The following SASH1 variants were observed in gnomAD, a reference collection of about 807,000 sequenced individuals.
SASH1 encodes SAM and SH3 domain-containing protein 1.
A neutral mutation model predicts 125.2 loss-of-function variants in SASH1; 44 were observed. The observed-to-expected ratio is 0.35, with a 90% CI of 0.28 to 0.45. SASH1 has a LOEUF of 0.45. SASH1 is among the 20% of genes least tolerant of loss of function. The pLI, the probability that SASH1 is intolerant of heterozygous loss-of-function variation, is 1.00. For synonymous variants in SASH1, 639 were observed against 649.1 expected (o/e 0.98, Z 0.24); for missense variants, 1,426 against 1,614.5 (o/e 0.88, Z 2.00).
At chr6:148,374,217 G>A (rs1782805235) in intron 1 of SASH1, among the ~76,000 whole-genome samples, 1 of 152,188 alleles carries the variant, frequency 6.6e-6, no homozygotes, top group African/African-American at 2.4e-5. Flanking sequence ...AAACAAGTTT[G>A]GGTAGGTGAT....
At chr6:148,382,321 G>T (rs1783172262) in intron 1 of SASH1, among the ~76,000 whole-genome samples, 1 of 152,084 alleles carries the variant, frequency 6.6e-6, no homozygotes, top group Non-Finnish European at 1.5e-5. Flanking sequence ...TGACGGTCTC[G>T]CTCTGTCACC....
chr6:148,487,718 G>A lies in SASH1; in HGVS notation c.729+3G>A, dbSNP rs1365197367. Reference sequence around the variant, plus strand: ...TTGATGGCTCATCAAACTGCAATGTGAGTTTATCATGTCTTTGACATCTTG... The same window carrying A: ...TTGATGGCTCATCAAACTGCAATGTAAGTTTATCATGTCTTTGACATCTTG... On this transcript the variant is annotated splice_donor_region_variant and intron_variant, in intron 8 of 19. Transcript: ENST00000367467. 6.3e-6 allele frequency: 10 copies of A among 1,595,088 alleles called. No individual in the cohort carries two copies. The highest frequency in any genetic ancestry group is 8.6e-6 in the Non-Finnish European group (10 of 1,163,392).
At chr6:148,307,824 G>A (rs1230733023) in intron 1 of SASH1, among the ~76,000 whole-genome samples, 3 of 152,076 alleles carry the variant, frequency 2.0e-5, no homozygotes, top group Admixed American at 2.0e-4. Context: ...ACTTGGCTCA[G>A]GGTTTGATGA....
chr6:148,437,579 G>A (rs564798105), intron 2 of SASH1, among the ~76,000 whole-genome samples: 8 of 152,296 alleles, frequency 5.3e-5, no homozygotes, highest in South Asian at 4.1e-4. Flanking sequence ...CAAGCTGGGC[G>A]TGGTCATGAA....
chr6:148,249,256 C>T, the SASH1 span, among the ~76,000 whole-genome samples: 1 of 152,212 alleles, frequency 6.6e-6, no homozygotes, highest in Non-Finnish European at 1.5e-5. Context: ...AGCATAATTT[C>T]CCTGAGGGGA....
chr6:148,372,257 T>C (rs1782730719), intron 1 of SASH1, among the ~76,000 whole-genome samples: 1 of 152,230 alleles, frequency 6.6e-6, no homozygotes, highest in African/African-American at 2.4e-5. Context: ...CCTTTGGTAG[T>C]GGCTGTTTTG....
chr6:148,544,529 CA>C lies in SASH1; in HGVS notation c.3060del (p.Val1021Ter). 1.2e-6 allele frequency: 2 copies of C among 1,613,326 alleles called. No homozygotes were observed. Among genetic ancestry groups the C allele is most frequent in the Non-Finnish European group, 1.7e-6 (2 of 1,179,978 alleles). On this transcript the variant is annotated frameshift_variant, in exon 18 of 20. Transcript: ENST00000367467. LOFTEE classifies it high-confidence loss of function. The surrounding 1 kb of genome is among the most constrained non-coding windows in gnomAD (Gnocchi z 6.4). ...CCCAGTCCCGATGCGCCATGCCTGCCAGTGAAAAGGGGCAGCCCCGCCAGCC... is the reference window on the plus strand; with the variant it reads ...CCCAGTCCCGATGCGCCATGCCTGCCGTGAAAAGGGGCAGCCCCGCCAGCC... ...ALPSPDAPCL[P>X]VKRGSPASPT...
chr6:148,368,459 C>T (rs1344875811), intron 1 of SASH1, among the ~76,000 whole-genome samples: 4 of 152,002 alleles, frequency 2.6e-5, no homozygotes, highest in African/African-American at 2.4e-5. Flanking sequence ...TTAGTAGAGA[C>T]GGGTTTTCAC....
At position 148,350,648 on chromosome 6, in the gene SASH1, T is replaced by A. The variant is rs1781695981; in HGVS notation, c.156+7425T>A. ...AGACTTGACTGTCATAATCCCACTGTAATAGACGATGTGCCTACCTGTGGT... is the reference window on the plus strand; with the variant it reads ...AGACTTGACTGTCATAATCCCACTGAAATAGACGATGTGCCTACCTGTGGT... On this transcript the variant is annotated intron_variant, in intron 1 of 19. Transcript: ENST00000367467. Among the ~76,000 whole-genome samples the A allele has an allele frequency of 2.0e-5, 3 of 152,214 alleles. No homozygotes were observed. The South Asian group carries it at 6.2e-4, about 32-fold the overall frequency.
chr6:148,219,197 A>G, the SASH1 span, among the ~76,000 whole-genome samples: 1 of 152,122 alleles, frequency 6.6e-6, no homozygotes, highest in Non-Finnish European at 1.5e-5. Flanking sequence ...TAGGTTCTCC[A>G]TCTCCCTCAC....
chr6:148,400,908 A>G lies in SASH1; in HGVS notation c.285+10646A>G, dbSNP rs944669031. On this transcript the variant is annotated intron_variant, in intron 2 of 19. Transcript: ENST00000367467. ...TTCTTTCGGTTTGGAAGTTTTAAGA[A>G]TTTTAAGTTGAAGAAAACAAGATGG... Among the ~76,000 whole-genome samples the G allele has an allele frequency of 2.6e-5, 4 of 152,108 alleles. No homozygotes were observed. In the East Asian group the frequency reaches 7.7e-4, roughly 29 times the overall value.
chr6:148,495,834 T>C lies in SASH1; in HGVS notation c.729+8119T>C, dbSNP rs551859045. ...TATTTCTACTGTCTTTGTCTTCTTG[T>C]AATTATTCATTTATTTTTTGAGAAG... On this transcript the variant is annotated intron_variant, in intron 8 of 19. Transcript: ENST00000367467. This position sits in a 1 kb window ranked among gnomAD's most constrained non-coding sequence, Gnocchi z 4.0. 1.1e-4 allele frequency among the ~76,000 whole-genome samples: 17 copies of C among 152,190 alleles called. No homozygotes were observed. The highest frequency in any genetic ancestry group is 9.6e-5 in the African/African-American group (4 of 41,454).
At position 148,532,320 on chromosome 6, in the gene SASH1, G is replaced by A. The variant is rs944988973; in HGVS notation, c.1565-477G>A. Reference sequence around the variant, plus strand: ...TGGACTCAAGCGATCTGCCCACCTCGGCCTCCTAAAGTGCTGGGATTATAG... The same window carrying A: ...TGGACTCAAGCGATCTGCCCACCTCAGCCTCCTAAAGTGCTGGGATTATAG... On this transcript the variant is annotated intron_variant, in intron 13 of 19. Transcript: ENST00000367467. This position sits in a 1 kb window ranked among gnomAD's most constrained non-coding sequence, Gnocchi z 4.7. Among the ~76,000 whole-genome samples the A allele has an allele frequency of 2.6e-5, 4 of 152,078 alleles. No individual in the cohort carries two copies. Among genetic ancestry groups the A allele is most frequent in the African/African-American group, 9.7e-5 (4 of 41,400 alleles).
At chr6:148,375,766 G>A (rs1437450414) in intron 1 of SASH1, among the ~76,000 whole-genome samples, 1 of 152,192 alleles carries the variant, frequency 6.6e-6, no homozygotes, top group African/African-American at 2.4e-5. Context: ...TCCTTTGTAG[G>A]ACTGACATTC....
chr6:148,471,291 CT>C (rs1268233663), intron 5 of SASH1, 125 bp from the exon 6 acceptor site: 2 of 643,554 alleles, frequency 3.1e-6, no homozygotes, highest in African/African-American at 3.8e-5. Flanking sequence ...AAAAACTGTC[CT>C]TTTGTGAAAT....
chr6:148,464,871 T>C (rs1242413425), intron 4 of SASH1, among the ~76,000 whole-genome samples: 1 of 152,126 alleles, frequency 6.6e-6, no homozygotes, highest in Admixed American at 6.5e-5. Flanking sequence ...GGTGAACTTG[T>C]GAAATTTTAA....
At chr6:148,259,593 G>A in the SASH1 span, among the ~76,000 whole-genome samples, 4 of 152,152 alleles carry the variant, frequency 2.6e-5, no homozygotes, top group African/African-American at 9.7e-5. Context: ...GGCAGGGCTA[G>A]GTCTGTCCTG....
At chr6:148,449,215 A>G (rs1439419249) in intron 4 of SASH1, among the ~76,000 whole-genome samples, 2 of 149,872 alleles carry the variant, frequency 1.3e-5, no homozygotes, top group African/African-American at 2.5e-5. Context: ...GACTACAGGC[A>G]TGTGCCACCA....
chr6:148,487,352 A>G (rs80158024), intron 7 of SASH1, among the ~76,000 whole-genome samples: 3 of 151,906 alleles, frequency 2.0e-5, no homozygotes, highest in Non-Finnish European at 2.9e-5. Context: ...CAAAGAGTCC[A>G]TTTTGCCTGT....
Sources: allele counts gnomAD v4.1 joint callset (sites outside exome capture counted in the v4.1 genomes callset), GRCh38; gene constraint gnomAD v4.1.1; non-coding constraint Gnocchi (gnomAD v3.1); transcripts MANE v1.5; gene names NCBI Gene and HGNC (gene_info 2026-07-23, HGNC 2026-07-21).